The following GAS2 variants were observed in gnomAD, a reference collection of about 807,000 sequenced individuals.
GAS2 encodes the protein growth arrest-specific protein 2.
In GAS2, 20 loss-of-function variants were observed where a neutral mutation model predicts 37.5. The observed-to-expected ratio is 0.53, with a 90% confidence interval of 0.37 to 0.77. GAS2 has a LOEUF of 0.77. GAS2 is among the 30% of genes least tolerant of loss of function. The pLI, the probability that GAS2 is intolerant of heterozygous loss-of-function variation, is 0.00. For missense variants in GAS2, 336 were observed against 373.4 expected, an observed-to-expected ratio of 0.90 and a Z score of 0.82; for synonymous variants, 144 against 132.2, an observed-to-expected ratio of 1.09 and a Z score of -0.61.
intron 7 of GAS2, among the ~76,000 whole-genome samples, chr11:22,805,587 G>T (rs941268437): frequency 6.6e-6 from 1 of 151,946 alleles, no homozygotes; most frequent in Non-Finnish European, 1.5e-5. Flanking sequence ...ACTTCTATGA[G>T]ATCAACATCT....
chr11:22,733,250 T>G (rs996507302), intron 4 of GAS2, among the ~76,000 whole-genome samples: 2 of 151,722 alleles, frequency 1.3e-5, no homozygotes, highest in African/African-American at 4.8e-5. Context: ...AGTTTACTAT[T>G]TCTTCTACTA....
intron 5 of GAS2, among the ~76,000 whole-genome samples, chr11:22,744,746 A>C (rs115663835): frequency 0.014 from 2,101 of 152,224 alleles, 57 homozygotes; most frequent in African/African-American, 0.048. Context: ...TAAGAAGGGG[A>C]ATGAGACAAG....
chr11:22,742,858 C>T (rs1039625983), intron 5 of GAS2, among the ~76,000 whole-genome samples: 56 of 152,158 alleles, frequency 3.7e-4, no homozygotes, highest in African/African-American at 1.2e-3. Flanking sequence ...CATGAATCCA[C>T]CTACAATTAC....
chr11:22,774,762 ACCT>A (rs1390986184), intron 7 of GAS2, among the ~76,000 whole-genome samples: 2 of 150,858 alleles, frequency 1.3e-5, no homozygotes, highest in Non-Finnish European at 2.9e-5. Flanking sequence ...AGTAGAGTTT[ACCT>A]ATCGTGATTT....
chr11:22,643,125 G>A (rs529193324), intron 1 of GAS2, among the ~76,000 whole-genome samples: 2 of 151,906 alleles, frequency 1.3e-5, no homozygotes, highest in South Asian at 4.2e-4. Flanking sequence ...AGTATAAAAA[G>A]CCTCCAGCTT....
intron 4 of GAS2, among the ~76,000 whole-genome samples, chr11:22,732,418 A>ATATTC (rs748708718): frequency 1.4e-4 from 21 of 151,704 alleles, no homozygotes; most frequent in East Asian, 1.4e-3. Flanking sequence ...TATGGATGCC[A>ATATTC]TATTCTATTT....
At chr11:22,657,601 T>C (rs757784716) in intron 1 of GAS2, among the ~76,000 whole-genome samples, 1 of 152,048 alleles carries the variant, frequency 6.6e-6, no homozygotes, top group Non-Finnish European at 1.5e-5. Context: ...GAATAAACTC[T>C]AAATACAAAC....
chr11:22,708,584 CT>C (rs1851242889), intron 3 of GAS2, among the ~76,000 whole-genome samples: 1 of 152,164 alleles, frequency 6.6e-6, no homozygotes, highest in Non-Finnish European at 1.5e-5. Context: ...TCCAAATGTA[CT>C]TATGACCACT....
intron 1 of GAS2, among the ~76,000 whole-genome samples, chr11:22,636,053 C>G (rs1858817214): frequency 6.6e-6 from 1 of 152,158 alleles, no homozygotes; most frequent in Non-Finnish European, 1.5e-5. Context: ...TTCCACCTGG[C>G]TTAGGGTGTA....
At chr11:22,779,371 A>G (rs142412671) in intron 7 of GAS2, among the ~76,000 whole-genome samples, 19 of 152,262 alleles carry the variant, frequency 1.2e-4, no homozygotes, top group African/African-American at 4.6e-4. Context: ...CTTTCAACAC[A>G]GTGTGTTGTT....
Position 22,647,951 on chromosome 11 carries a change from G to T in GAS2, c.-21+22138G>T, listed in dbSNP as rs1201220965. On this transcript the variant is annotated intron_variant, in intron 1 of 5. Coordinates refer to the GAS2 transcript ENST00000528582. ...AATTAGATCCCATTTGTCAATTTTG[G>T]CTTTTGTTGCCATTGCTTTTGGTGT... 1.6e-4 allele frequency among the ~76,000 whole-genome samples: 25 copies of T among 152,116 alleles called. No homozygotes were observed. In the South Asian group the frequency reaches 2.7e-3, roughly 16 times the overall value.
intron 2 of GAS2, among the ~76,000 whole-genome samples, chr11:22,676,772 T>TA (rs55904107): frequency 0.62 from 93,719 of 151,570 alleles, 30,138 homozygotes; most frequent in East Asian, 0.82. Context: ...TAAGCATTGG[T>TA]AAAAAAAAGT....
chr11:22,774,451 A>G (rs1372921206), intron 7 of GAS2, among the ~76,000 whole-genome samples: 2 of 152,226 alleles, frequency 1.3e-5, no homozygotes, highest in Non-Finnish European at 2.9e-5. Flanking sequence ...CTTAAAGTGA[A>G]GGGCTTTCTA....
intron 1 of GAS2, chr11:22,626,476 G>T (rs531204658): frequency 6.5e-6 from 1 of 154,084 alleles, no homozygotes; most frequent in South Asian, 2.0e-4. Flanking sequence ...TAGCTTAATT[G>T]ACTCTTCTGT....
intron 7 of GAS2, among the ~76,000 whole-genome samples, chr11:22,809,724 C>A (rs1857053535): frequency 6.6e-6 from 1 of 151,022 alleles, no homozygotes; most frequent in South Asian, 2.1e-4. Context: ...AAACTCCTGA[C>A]CTCAGGTGAT....
chr11:22,806,450 C>T (rs763872897), intron 7 of GAS2, among the ~76,000 whole-genome samples: 27 of 152,206 alleles, frequency 1.8e-4, no homozygotes, highest in Non-Finnish European at 3.5e-4. Context: ...GATTTCATTT[C>T]GCTTGTATAT....
intron 1 of GAS2, among the ~76,000 whole-genome samples, chr11:22,650,829 G>C (rs1384821735): frequency 6.6e-6 from 1 of 151,932 alleles, no homozygotes; most frequent in Non-Finnish European, 1.5e-5. Flanking sequence ...CGTGAGATGG[G>C]TTTCCTGAAT....
intron 3 of GAS2, among the ~76,000 whole-genome samples, chr11:22,689,848 G>A (rs1850151368): frequency 6.6e-6 from 1 of 152,184 alleles, no homozygotes; most frequent in Non-Finnish European, 1.5e-5. Context: ...TCATGTATGT[G>A]TTTGTAGAGA....
intron 4 of GAS2, among the ~76,000 whole-genome samples, chr11:22,736,469 A>T (rs1852760647): frequency 6.6e-6 from 1 of 152,008 alleles, no homozygotes; most frequent in East Asian, 1.9e-4. Context: ...TTAAAATGCC[A>T]CTTTATAACC....
Sources: gnomAD v4.1 joint callset for allele counts (sites outside exome capture counted in the v4.1 genomes callset) on GRCh38, gnomAD v4.1.1 for gene constraint, MANE v1.5 for transcripts, NCBI Gene and HGNC (gene_info 2026-07-23, HGNC 2026-07-21) for gene names.